Variants in ANTXR1 observed in about 807,000 individuals in gnomAD.
The protein encoded by ANTXR1 is ANTXR cell adhesion molecule 1, also known as anthrax toxin receptor 1.
A neutral mutation model predicts 78.1 loss-of-function variants in ANTXR1; 19 were observed. That is an observed-to-expected ratio of 0.24 (90% CI 0.17 to 0.36). The LOEUF (loss-of-function observed/expected upper bound fraction) is 0.36. Ranked by LOEUF, ANTXR1 falls within the 10% of genes least tolerant of loss-of-function variation. The pLI is 1.00. For synonymous variants in ANTXR1, 273 were observed against 260.5 expected (o/e 1.05, Z -0.46); for missense variants, 518 against 718.6 (o/e 0.72, Z 3.19).
chr2:69,080,647 C>T (rs1206875006), intron 8 of ANTXR1, among the ~76,000 whole-genome samples: 2 of 152,046 alleles, frequency 1.3e-5, no homozygotes, highest in African/African-American at 2.4e-5. Flanking sequence ...GTGGGAGAGA[C>T]ACATTAAAAA....
intron 2 of ANTXR1, 80 bp from the exon 3 acceptor site, chr2:69,044,662 G>A (rs1471299000): frequency 2.7e-6 from 4 of 1,457,408 alleles, no homozygotes; most frequent in East Asian, 4.5e-5. Flanking sequence ...GATAGAAAGG[G>A]AAGGACAGGG....
At chr2:69,186,215 G>A (rs1674412462) in intron 16 of ANTXR1, among the ~76,000 whole-genome samples, 3 of 152,186 alleles carry the variant, frequency 2.0e-5, no homozygotes, top group Admixed American at 2.0e-4. Flanking sequence ...ATCTCTCTGA[G>A]GAGAGAAGAG....
At chr2:69,232,690 A>T (rs1450001683) in intron 17 of ANTXR1, among the ~76,000 whole-genome samples, 2 of 152,186 alleles carry the variant, frequency 1.3e-5, no homozygotes, top group African/African-American at 4.8e-5. Context: ...AGAAAAAATG[A>T]AAACAAATGA....
chr2:69,124,524 C>T, intron 11 of ANTXR1, 41 bp from the exon 12 acceptor site: 2 of 1,582,280 alleles, frequency 1.3e-6, no homozygotes, highest in African/African-American at 2.7e-5. Flanking sequence ...TTGCTCATTG[C>T]ACGCCCTGCT....
intron 17 of ANTXR1, among the ~76,000 whole-genome samples, chr2:69,219,636 T>C (rs1382834126): frequency 6.6e-6 from 1 of 152,222 alleles, no homozygotes; most frequent in African/African-American, 2.4e-5. Flanking sequence ...TCACAAACCT[T>C]TCTGATTATA....
chr2:69,117,112 C>T (rs1672169057), intron 10 of ANTXR1, among the ~76,000 whole-genome samples: 1 of 152,230 alleles, frequency 6.6e-6, no homozygotes, highest in African/African-American at 2.4e-5. Context: ...TCAAGCTCTT[C>T]ATCCCTAGAC....
intron 16 of ANTXR1, chr2:69,182,960 A>G (rs920105086): frequency 2.6e-6 from 1 of 387,634 alleles, no homozygotes; most frequent in Middle Eastern, 7.3e-4. Flanking sequence ...TGACATGCAA[A>G]TTCGTGAAGT....
intron 13 of ANTXR1, among the ~76,000 whole-genome samples, chr2:69,161,448 A>G (rs1183902161): frequency 6.6e-6 from 1 of 152,190 alleles, no homozygotes; most frequent in Non-Finnish European, 1.5e-5. Context: ...CCACATTCCA[A>G]ATTAACACCC....
chr2:69,152,128 G>A, intron 12 of ANTXR1, 41 bp from the exon 13 acceptor site: 1 of 1,583,860 alleles, frequency 6.3e-7, no homozygotes, highest in Non-Finnish European at 8.7e-7. Flanking sequence ...ATCACACATG[G>A]TCCCATCCCG....
intron 16 of ANTXR1, among the ~76,000 whole-genome samples, chr2:69,185,824 A>G (rs1022655714): frequency 1.3e-5 from 2 of 152,190 alleles, no homozygotes; most frequent in East Asian, 3.9e-4. Flanking sequence ...CCAGATGGAA[A>G]TGACCTAGGA....
Position 69,139,820 on chromosome 2 carries a change from C to T in ANTXR1, c.952-12349C>T, listed in dbSNP as rs532928174. Among the ~76,000 whole-genome samples, 7 of 152,248 alleles carry T rather than the reference C, an allele frequency of 4.6e-5. No homozygotes were observed. In the South Asian group the frequency reaches 1.5e-3, roughly 32 times the overall value. On this transcript the variant is annotated intron_variant, in intron 12 of 17. Transcript: ENST00000303714. ...AGCATATACATTAAATAAATGGCTA[C>T]ATTAACGGTAAGTAAACGAATCACT...
At chr2:69,190,254 G>T (rs1674517553) in intron 16 of ANTXR1, among the ~76,000 whole-genome samples, 2 of 152,208 alleles carry the variant, frequency 1.3e-5, no homozygotes, top group East Asian at 3.9e-4. Flanking sequence ...CAAGGCATTT[G>T]GCAGTCGGGA....
intron 15 of ANTXR1, 24 bp downstream of exon 15, chr2:69,181,905 C>A: frequency 6.2e-7 from 1 of 1,609,470 alleles, no homozygotes; most frequent in Non-Finnish European, 8.5e-7. Context: ...TTCATATACA[C>A]TTATCTATGT....
chr2:69,184,093 C>G (rs1334096101), intron 16 of ANTXR1, among the ~76,000 whole-genome samples: 4 of 152,180 alleles, frequency 2.6e-5, no homozygotes, highest in African/African-American at 9.6e-5. Context: ...AGCCTTACCC[C>G]CCTTCCAATA....
intron 17 of ANTXR1, among the ~76,000 whole-genome samples, chr2:69,223,572 G>A (rs1675372461): frequency 6.6e-6 from 1 of 152,112 alleles, no homozygotes; most frequent in Middle Eastern, 3.2e-3. Context: ...AAACTGGGAG[G>A]TCACCGATGA....
At chr2:69,120,673 A>AAATAAT (rs1558569714) in intron 10 of ANTXR1, among the ~76,000 whole-genome samples, 38 of 151,658 alleles carry the variant, frequency 2.5e-4, no homozygotes, top group East Asian at 1.9e-3. Flanking sequence ...CAGAAAAAAA[A>AAATAAT]GATAATAATA....
At chr2:69,145,258 C>G (rs1573930543) in intron 12 of ANTXR1, 2 of 1,492,234 alleles carry the variant, frequency 1.3e-6, no homozygotes, top group East Asian at 2.5e-5. Context: ...CCCTGCTAGG[C>G]CCTTCTAAGG....
intron 13 of ANTXR1, among the ~76,000 whole-genome samples, chr2:69,159,680 T>C (rs902343413): frequency 6.6e-6 from 1 of 152,224 alleles, no homozygotes; most frequent in Non-Finnish European, 1.5e-5. Flanking sequence ...GAGAGGCTCA[T>C]GTCCATGCAT....
intron 1 of ANTXR1, among the ~76,000 whole-genome samples, chr2:69,030,873 G>A (rs554421135): frequency 2.4e-4 from 36 of 152,184 alleles, no homozygotes; most frequent in South Asian, 6.2e-4. Context: ...TTATCTTGTC[G>A]TGAGAAAGAC....
Sources: gnomAD v4.1 joint callset for allele counts (sites outside exome capture counted in the v4.1 genomes callset) on GRCh38, gnomAD v4.1.1 for gene constraint, MANE v1.5 for transcripts, NCBI Gene and HGNC (gene_info 2026-07-23, HGNC 2026-07-21) for gene names.